Variants in SPRED2 observed in about 807,000 individuals in gnomAD.
The protein encoded by SPRED2 is sprouty related EVH1 domain containing 2.
SPRED2 carries 47 observed loss-of-function variants against 43.0 expected under a neutral mutation model. That is an observed-to-expected ratio of 1.09 (90% confidence interval 0.87 to 1.40). The LOEUF (loss-of-function observed/expected upper bound fraction) is 1.40. Ranked by LOEUF, SPRED2 falls within the 40% of genes most tolerant of loss-of-function variation. SPRED2 has a pLI of 0.00. For synonymous variants in SPRED2, 225 were observed against 225.7 expected, an observed-to-expected ratio of 1.00 and a Z score of 0.03; for missense variants, 561 against 586.4, an observed-to-expected ratio of 0.96 and a Z score of 0.45.
intron 1 of SPRED2, among the ~76,000 whole-genome samples, chr2:65,383,912 C>T (rs1675433537): frequency 6.6e-6 from 1 of 152,176 alleles, no homozygotes; most frequent in African/African-American, 2.4e-5. Context: ...TCGATACTGA[C>T]AAAAACCTTG....
At chr2:65,353,499 A>C (rs1430457596) in intron 1 of SPRED2, among the ~76,000 whole-genome samples, 2 of 152,250 alleles carry the variant, frequency 1.3e-5, no homozygotes, top group Admixed American at 1.3e-4. Flanking sequence ...CTTCAGAACC[A>C]GTATTAACAA....
chr2:65,402,834 T>TG (rs1390767161), intron 1 of SPRED2, among the ~76,000 whole-genome samples: 16 of 152,336 alleles, frequency 1.1e-4, no homozygotes, highest in African/African-American at 3.6e-4. Context: ...GGTACAGACA[T>TG]GCAGAAAATC....
In SPRED2 at chr2:65,313,270, G is replaced by A; in HGVS notation, c.*231C>T. 1 of 1,380,646 alleles carries A rather than the reference G, an allele frequency of 7.2e-7. No individual in the cohort carries two copies. Among genetic ancestry groups the A allele is most frequent in the Non-Finnish European group, 9.3e-7 (1 of 1,071,350 alleles). The allele number at this position is 1,380,646 out of a possible 1,614,324, so 85.5% of individuals were successfully genotyped here. On this transcript the variant is annotated 3_prime_UTR_variant, in exon 6 of 6. Coordinates refer to ENST00000356388, the MANE Select transcript of SPRED2 (RefSeq NM_181784.3). ...GCGAAGGTTCCTTCCTCAGAACACT[G>A]TGCGAGCGTGTGTGTATGGATGTGG...
At position 65,311,665 on chromosome 2, in the gene SPRED2, C is replaced by T; in HGVS notation, c.*1836G>A. On this transcript the variant is annotated 3_prime_UTR_variant, in exon 6 of 6. Transcript: ENST00000356388. ...GAGGTTCTCTTTTCTTCCATCAATC[C>T]AGATGGACAGCTCTCTGCTCCTTTT... 1.0e-6 allele frequency: 1 copy of T among 985,558 alleles called. No individual in the cohort carries two copies. The highest frequency in any genetic ancestry group is 1.2e-6 in the Non-Finnish European group (1 of 829,898). 61.1% of individuals were successfully genotyped at this position (985,558 alleles called of 1,614,324 possible). A position where few individuals can be genotyped will look rare whatever the true frequency, so the allele number is the denominator to read the frequency against.
At chr2:65,429,950 T>C (rs935876998) in intron 1 of SPRED2, among the ~76,000 whole-genome samples, 5 of 152,260 alleles carry the variant, frequency 3.3e-5, no homozygotes, top group Middle Eastern at 3.4e-3. Flanking sequence ...GGATAGCAGA[T>C]GGAGAAAGAT....
intron 5 of SPRED2, among the ~76,000 whole-genome samples, chr2:65,314,667 T>C (rs748665173): frequency 3.3e-5 from 5 of 152,220 alleles, no homozygotes; most frequent in Non-Finnish European, 5.9e-5. Flanking sequence ...TTTGTAAGGC[T>C]GGCTTTTTAA....
intron 2 of SPRED2, among the ~76,000 whole-genome samples, chr2:65,336,564 C>T (rs1223637485): frequency 6.6e-6 from 1 of 152,142 alleles, no homozygotes; most frequent in Non-Finnish European, 1.5e-5. Context: ...CCATTTCCCC[C>T]TAAGAATAGC....
intron 1 of SPRED2, among the ~76,000 whole-genome samples, chr2:65,383,953 C>T (rs1402154031): frequency 1.3e-5 from 2 of 152,196 alleles, no homozygotes; most frequent in Non-Finnish European, 2.9e-5. Flanking sequence ...AGCTGAGCAG[C>T]TGCAGTGCAT....
At chr2:65,377,581 G>A (rs547906189) in intron 1 of SPRED2, 1 of 471,184 alleles carries the variant, frequency 2.1e-6, no homozygotes, top group African/African-American at 2.0e-5. Flanking sequence ...CTGATGAGGT[G>A]GTAGGTGTTA....
intron 1 of SPRED2, among the ~76,000 whole-genome samples, chr2:65,411,128 GAA>G (rs370598634): frequency 6.6e-6 from 1 of 152,090 alleles, no homozygotes; most frequent in Admixed American, 6.5e-5. Context: ...ACCTTTAAAA[GAA>G]AAAAAGTTTG....
intron 4 of SPRED2, among the ~76,000 whole-genome samples, chr2:65,318,678 A>C (rs1673317556): frequency 6.6e-6 from 1 of 151,814 alleles, no homozygotes; most frequent in South Asian, 2.1e-4. Context: ...AAATGTATTT[A>C]TTTATGTATT....
In SPRED2 at chr2:65,421,545, AAGGCTACAATAC is replaced by A. The variant is rs1459946246; in HGVS notation, c.26+10405_26+10416del. ...TACAGGATCCTCCCCACAAAACAGC[AAGGCTACAATAC>A]AGGTCCAGGTGAACACAATGCTGTG... On this transcript the variant is annotated intron_variant, in intron 1 of 5. Transcript: ENST00000356388. Among the ~76,000 whole-genome samples, 9 of 152,214 alleles carry A rather than the reference AAGGCTACAATAC, an allele frequency of 5.9e-5. 1 individual carries two copies. Among genetic ancestry groups the A allele is most frequent in the Non-Finnish European group, 1.3e-4 (9 of 68,024 alleles).
intron 1 of SPRED2, among the ~76,000 whole-genome samples, chr2:65,365,635 A>T (rs1173916998): frequency 6.6e-6 from 1 of 152,364 alleles, no homozygotes; most frequent in South Asian, 2.1e-4. Flanking sequence ...GTTGTGTTAT[A>T]GGTCCTGACC....
chr2:65,370,283 T>C (rs529916411), intron 1 of SPRED2, among the ~76,000 whole-genome samples: 10 of 152,232 alleles, frequency 6.6e-5, no homozygotes, highest in Middle Eastern at 3.4e-3. Flanking sequence ...GTACTTAGCA[T>C]AGAGCCTGGC....
chr2:65,344,986 C>T, intron 1 of SPRED2, 90 bp from the exon 2 acceptor site: 1 of 1,308,990 alleles, frequency 7.6e-7, no homozygotes, highest in Non-Finnish European at 1.0e-6. Context: ...CACCAGCCAG[C>T]ACTTTTTTTG....
At chr2:65,358,800 A>C (rs529976664) in intron 1 of SPRED2, among the ~76,000 whole-genome samples, 1 of 152,336 alleles carries the variant, frequency 6.6e-6, no homozygotes, top group South Asian at 2.1e-4. Flanking sequence ...AAATATTCCC[A>C]AATGTTTCAA....
chr2:65,346,313 C>G (rs1674347768), intron 1 of SPRED2, among the ~76,000 whole-genome samples: 1 of 151,966 alleles, frequency 6.6e-6, no homozygotes, highest in Non-Finnish European at 1.5e-5. Context: ...ATCCCCTTCT[C>G]TGATCATTCC....
chr2:65,321,075 G>A (rs1269873471), intron 4 of SPRED2, among the ~76,000 whole-genome samples: 1 of 152,186 alleles, frequency 6.6e-6, no homozygotes, highest in African/African-American at 2.4e-5. Context: ...CTCCAGTGGG[G>A]GTCTAAGAAC....
chr2:65,431,824 G>T, intron 1 of SPRED2, 138 bp downstream of exon 1: 1 of 1,045,234 alleles, frequency 9.6e-7, no homozygotes, highest in Non-Finnish European at 1.4e-6. Context: ...GAAGCCTCGC[G>T]TCCCAACGCC....
Sources: allele counts gnomAD v4.1 joint callset (sites outside exome capture counted in the v4.1 genomes callset), GRCh38; gene constraint gnomAD v4.1.1; transcripts MANE v1.5; gene names NCBI Gene and HGNC (gene_info 2026-07-23, HGNC 2026-07-21).